Variants in FRK observed in about 807,000 individuals in gnomAD.
The protein encoded by FRK is tyrosine-protein kinase FRK.
FRK carries 51 observed loss-of-function variants against 56.4 expected under a neutral mutation model. The ratio of observed to expected loss-of-function variants is 0.90; its 90% CI spans 0.72 to 1.14. FRK has a LOEUF of 1.14. FRK is among the 50% of genes most tolerant of loss of function. The probability of loss-of-function intolerance (pLI) is 0.00; values close to 1 mark genes in which losing one functional copy is unlikely to be tolerated. For synonymous variants in FRK, 245 were observed against 217.9 expected (o/e 1.12, Z -1.10); for missense variants, 570 against 601.4 (o/e 0.95, Z 0.55).
At chr6:116,008,269 T>A (rs534727890) in intron 1 of FRK, among the ~76,000 whole-genome samples, 1 of 152,338 alleles carries the variant, frequency 6.6e-6, no homozygotes, top group African/African-American at 2.4e-5. Flanking sequence ...CAAATTTTTT[T>A]AATCCTCCTT....
At chr6:116,093,500 T>TGTG in the FRK span, among the ~76,000 whole-genome samples, 43 of 142,620 alleles carry the variant, frequency 3.0e-4, no homozygotes, top group Admixed American at 5.0e-4. Flanking sequence ...ATGAAAAGAA[T>TGTG]GCTTTAGCTG....
intron 4 of FRK, 152 bp downstream of exon 4, chr6:115,967,399 T>C: frequency 1.7e-6 from 1 of 594,822 alleles, no homozygotes. Context: ...TAATGCCTTA[T>C]CCATAGGTTG....
At chr6:116,080,537 A>G in the FRK span, among the ~76,000 whole-genome samples, 1 of 152,246 alleles carries the variant, frequency 6.6e-6, no homozygotes, top group Non-Finnish European at 1.5e-5. Context: ...TTAAACTTCT[A>G]TAACATACCA....
At chr6:115,987,047 T>A (rs1019781337) in intron 2 of FRK, among the ~76,000 whole-genome samples, 8 of 152,174 alleles carry the variant, frequency 5.3e-5, no homozygotes, top group African/African-American at 1.9e-4. Context: ...TATAATAGCA[T>A]CTCAATCTCT....
chr6:115,994,338 CT>C (rs138130403), intron 2 of FRK, among the ~76,000 whole-genome samples: 1 of 91,768 alleles, frequency 1.1e-5, no homozygotes, highest in African/African-American at 3.5e-5. Context: ...CCCCCCCCGC[CT>C]TTTTTTTGTC....
intron 1 of FRK, among the ~76,000 whole-genome samples, chr6:116,025,803 C>T (rs566293005): frequency 1.4e-4 from 21 of 152,134 alleles, no homozygotes; most frequent in Non-Finnish European, 2.6e-4. Flanking sequence ...ATAATAAATA[C>T]TGTTGGGAAA....
rs1473407978 is a variant in FRK at position 115,933,544 on chromosome 6, G to A, written c.*8870C>T. On this transcript the variant is annotated 3_prime_UTR_variant, in exon 8 of 8. Transcript: ENST00000606080. ...AAGAATCAAACACAGTAAGTTAAACGGGTATCAGGTGGTATTAAAACAGGA... is the reference window on the plus strand; with the variant it reads ...AAGAATCAAACACAGTAAGTTAAACAGGTATCAGGTGGTATTAAAACAGGA... 2 of 152,208 alleles carry A rather than the reference G, an allele frequency of 1.3e-5. No homozygotes were observed. The highest frequency in any genetic ancestry group is 1.9e-4 in the East Asian group (1 of 5,190). 9.4% of individuals were successfully genotyped at this position (152,208 alleles called of 1,614,324 possible).
At chr6:116,002,910 G>A (rs889972849) in intron 2 of FRK, among the ~76,000 whole-genome samples, 3 of 152,212 alleles carry the variant, frequency 2.0e-5, no homozygotes, top group African/African-American at 7.2e-5. Flanking sequence ...AGCCTGGCCA[G>A]AGTTCAGGTC....
intron 4 of FRK, among the ~76,000 whole-genome samples, chr6:115,959,005 A>G (rs758478799): frequency 1.2e-4 from 19 of 152,184 alleles, no homozygotes; most frequent in Non-Finnish European, 2.2e-4. Flanking sequence ...CTGCAGGTGA[A>G]GACTGTTTCA....
At position 115,942,383 on chromosome 6, in the gene FRK, T is replaced by A. The variant is rs1772218784; in HGVS notation, c.*31A>T. ...AATGGATTATTTGAATTTGTTTTGC[T>A]ACTTTATTATTTGATATTCTTCTCC... On this transcript the variant is annotated 3_prime_UTR_variant, in exon 8 of 8. Transcript: ENST00000606080. The A allele has an allele frequency of 1.3e-6, 2 of 1,536,420 alleles. No homozygotes were observed. The highest frequency in any genetic ancestry group is 2.7e-5 in the African/African-American group (2 of 73,412).
At chr6:115,947,456 G>C (rs1209778830) in intron 5 of FRK, among the ~76,000 whole-genome samples, 1 of 151,768 alleles carries the variant, frequency 6.6e-6, no homozygotes, top group Non-Finnish European at 1.5e-5. Flanking sequence ...TTTTCCCTGA[G>C]CACGCACAGA....
At chr6:116,094,607 T>C in the FRK span, among the ~76,000 whole-genome samples, 1 of 152,204 alleles carries the variant, frequency 6.6e-6, no homozygotes, top group Non-Finnish European at 1.5e-5. Context: ...AAGGAAACCA[T>C]GGAGTTATTG....
At chr6:115,962,329 T>C (rs1206817639) in intron 4 of FRK, among the ~76,000 whole-genome samples, 1 of 151,448 alleles carries the variant, frequency 6.6e-6, no homozygotes, top group Non-Finnish European at 1.5e-5. Flanking sequence ...AGGGATCAAT[T>C]CAACAAGAGA....
chr6:116,084,059 T>C, the FRK span, among the ~76,000 whole-genome samples: 1 of 151,996 alleles, frequency 6.6e-6, no homozygotes, highest in Admixed American at 6.6e-5. Context: ...AGCAGTTTGA[T>C]GAAAGGAAAA....
chr6:116,088,297 A>G, the FRK span, among the ~76,000 whole-genome samples: 1 of 152,188 alleles, frequency 6.6e-6, no homozygotes, highest in Non-Finnish European at 1.5e-5. Context: ...GTAACTTTTG[A>G]GAAATTATAA....
At position 115,934,480 on chromosome 6, in the gene FRK, T is replaced by C. The variant is rs1046183266; in HGVS notation, c.*7934A>G. On this transcript the variant is annotated 3_prime_UTR_variant, in exon 8 of 8. Transcript: ENST00000606080. ...AGAACGCGGAACCCCAGTTTTGCCA[T>C]TGATAGCCATCTGTGACCCTGGGAA... 1 of 152,198 alleles carries C rather than the reference T, an allele frequency of 6.6e-6. No individual in the cohort carries two copies. The highest frequency in any genetic ancestry group is 1.5e-5 in the Non-Finnish European group (1 of 68,038). 9.4% of individuals were successfully genotyped at this position (152,198 alleles called of 1,614,324 possible). A position where few individuals can be genotyped will look rare whatever the true frequency, so the allele number is the denominator to read the frequency against.
intron 2 of FRK, among the ~76,000 whole-genome samples, chr6:115,992,768 G>A (rs3822857): frequency 6.6e-6 from 1 of 151,428 alleles, no homozygotes; most frequent in Non-Finnish European, 1.5e-5. Flanking sequence ...TAATACAAAC[G>A]ATTAGACAAG....
intron 1 of FRK, chr6:116,039,266 C>A: frequency 6.7e-7 from 1 of 1,486,830 alleles, no homozygotes; most frequent in Non-Finnish European, 9.4e-7. Context: ...GCCATTGGTA[C>A]CAGCAAGACT....
chr6:116,007,578 C>T (rs1775289612), intron 1 of FRK, among the ~76,000 whole-genome samples: 1 of 152,132 alleles, frequency 6.6e-6, no homozygotes, highest in Non-Finnish European at 1.5e-5. Context: ...GTATTTTGGT[C>T]CTCATTTCTT....
Sources: gnomAD v4.1 joint callset for allele counts (sites outside exome capture counted in the v4.1 genomes callset) on GRCh38, gnomAD v4.1.1 for gene constraint, MANE v1.5 for transcripts, NCBI Gene and HGNC (gene_info 2026-07-23, HGNC 2026-07-21) for gene names.